NINL: variants seen among roughly 807,000 people sequenced by gnomAD.
NINL encodes ninein like, also known as ninein-like protein.
NINL carries 153 observed loss-of-function variants against 160.3 expected under a neutral mutation model. The ratio of observed to expected loss-of-function variants is 0.95; its 90% CI spans 0.84 to 1.09. The LOEUF is 1.09. Ranked by LOEUF, NINL falls within the 50% of genes least tolerant of loss-of-function variation. The probability of loss-of-function intolerance (pLI) is 0.00; values close to 1 mark genes in which losing one functional copy is unlikely to be tolerated. For missense variants in NINL, 1,829 were observed against 1,764.0 expected (o/e 1.04, Z -0.66); for synonymous variants, 800 against 734.8 (o/e 1.09, Z -1.43).
At chr20:25,492,726 G>A (rs556132483) in intron 10 of NINL, among the ~76,000 whole-genome samples, 2 of 152,086 alleles carry the variant, frequency 1.3e-5, no homozygotes, top group Admixed American at 6.5e-5. Context: ...ACAGGTGTGA[G>A]CCACCACACC....
chr20:25,467,383 C>T lies in NINL; in HGVS notation c.3423+6G>A, dbSNP rs113876275. On this transcript the variant is annotated splice_donor_region_variant and intron_variant, in intron 19 of 23. Coordinates refer to ENST00000278886, the MANE Select transcript of NINL (RefSeq NM_025176.6). ...ATGAGCTCCATGCCAGGCGTCGATA[C>T]GTCACCTGTCTGTTGAGCACCTCCA... is the stretch of plus-strand genomic sequence containing the variant. The T allele has an allele frequency of 1.2e-3, 1,928 of 1,610,106 alleles. 1 individual carries two copies. The highest frequency in any genetic ancestry group is 3.6e-3 in the Middle Eastern group (22 of 6,056).
chr20:25,479,289 G>C (rs2063337353), intron 15 of NINL, 83 bp from the exon 16 acceptor site: 1 of 1,506,510 alleles, frequency 6.6e-7, no homozygotes, highest in East Asian at 2.3e-5. Context: ...ACACGAAGCT[G>C]CCTGGCACAA....
At chr20:25,573,067 C>T (rs190607677) in intron 1 of NINL, among the ~76,000 whole-genome samples, 71 of 152,196 alleles carry the variant, frequency 4.7e-4, no homozygotes, top group African/African-American at 1.2e-3. Flanking sequence ...GAGGCCGAGG[C>T]GGGCGGATCA....
rs1601094433 is a variant in NINL, at chr20:25,482,164, G to A, written c.1678-64C>T. ...AGCCATTCAGCCCAGCGAGCTGGCCGAGCTGGCCTCCAGGGGGGTCCCTTG... is the reference window on the plus strand; with the variant it reads ...AGCCATTCAGCCCAGCGAGCTGGCCAAGCTGGCCTCCAGGGGGGTCCCTTG... On this transcript the variant is annotated intron_variant, in intron 13 of 23. Coordinates refer to ENST00000278886, the MANE Select transcript of NINL (RefSeq NM_025176.6). 18 of 1,549,530 alleles carry A rather than the reference G, an allele frequency of 1.2e-5. No homozygotes were observed. In the East Asian group the frequency reaches 1.8e-4, roughly 16 times the overall value.
chr20:25,571,867 G>GAAA lies in NINL; in HGVS notation c.-12+13585_-12+13587dup, dbSNP rs10536325. On this transcript the variant is annotated intron_variant, in intron 1 of 23. Transcript: ENST00000278886. ...TGGTCAAGAGAGTGAGACTCTGTCT[G>GAAA]AAAAAAAAAAAAAAAAAAAAAAAAA... Among the ~76,000 whole-genome samples the GAAA allele has an allele frequency of 4.3e-4, 18 of 41,564 alleles. 1 individual carries two copies. The highest frequency in any genetic ancestry group is 1.3e-3 in the African/African-American group (17 of 12,728). The allele number at this position is 41,564 out of a possible 152,430, so 27.3% of individuals were successfully genotyped here.
At chr20:25,498,972 C>A (rs947833938) in intron 8 of NINL, 1 of 985,484 alleles carries the variant, frequency 1.0e-6, no homozygotes, top group Non-Finnish European at 1.2e-6. Context: ...CTCAAGGGAG[C>A]GGCAGCTAAC....
At chr20:25,517,708 TAACA>T (rs760534779) in intron 3 of NINL, 41 bp downstream of exon 3, 3 of 1,429,752 alleles carry the variant, frequency 2.1e-6, no homozygotes, top group South Asian at 2.6e-5. Flanking sequence ...CTCCAAAAGT[TAACA>T]AACAAATAAT....
intron 1 of NINL, among the ~76,000 whole-genome samples, chr20:25,568,915 C>T (rs1204847868): frequency 6.6e-6 from 1 of 151,296 alleles, no homozygotes; most frequent in East Asian, 2.0e-4. Context: ...ATTGAGACCC[C>T]TCCCTGTCTC....
At chr20:25,540,438 G>A (rs67680401) in intron 1 of NINL, among the ~76,000 whole-genome samples, 13,448 of 152,178 alleles carry the variant, frequency 0.088, 974 homozygotes, top group African/African-American at 0.2. Flanking sequence ...GTGTTGGTTT[G>A]CATTTAATTT....
At chr20:25,495,546 T>G (rs2063735797) in intron 10 of NINL, among the ~76,000 whole-genome samples, 1 of 151,930 alleles carries the variant, frequency 6.6e-6, no homozygotes, top group African/African-American at 2.4e-5. Context: ...CGGGCAGACC[T>G]CCCGAGCCAG....
chr20:25,467,533 G>T, intron 18 of NINL, 75 bp from the exon 19 acceptor site: 1 of 1,138,104 alleles, frequency 8.8e-7, no homozygotes, highest in South Asian at 1.2e-5. Context: ...AGCACCCAGG[G>T]TAAGAGCAGC....
At chr20:25,536,311 C>A (rs56238023) in intron 1 of NINL, among the ~76,000 whole-genome samples, 2 of 152,050 alleles carry the variant, frequency 1.3e-5, no homozygotes, top group South Asian at 4.2e-4. Context: ...GGTGACCAAC[C>A]CCAACAGACT....
chr20:25,554,691 T>C (rs1292969611), intron 1 of NINL, among the ~76,000 whole-genome samples: 2 of 150,202 alleles, frequency 1.3e-5, no homozygotes, highest in Non-Finnish European at 3.0e-5. Context: ...TCTGTAGTCC[T>C]AGCTATTCAG....
At chr20:25,577,231 C>T (rs1321667573) in intron 1 of NINL, among the ~76,000 whole-genome samples, 9 of 152,340 alleles carry the variant, frequency 5.9e-5, no homozygotes, top group African/African-American at 2.2e-4. Flanking sequence ...CCCTGCTGGT[C>T]ATCCCAGGAC....
intron 13 of NINL, chr20:25,488,856 C>T (rs2063558290): frequency 5.6e-6 from 1 of 179,738 alleles, no homozygotes; most frequent in African/African-American, 2.3e-5. Context: ...TCAACAAAAG[C>T]TCTTTGGGGT....
Position 25,475,865 on chromosome 20 carries a change from C to T in NINL, c.3248+178G>A, listed in dbSNP as rs186450953. On this transcript the variant is annotated intron_variant, in intron 17 of 23. Coordinates refer to ENST00000278886, the MANE Select transcript of NINL (RefSeq NM_025176.6). ...AGAGCACCAGATGACCGTGGCATTC[C>T]GGGACGGGGCTGGGCTCACAACCCC... Among the ~76,000 whole-genome samples, 322 of 152,290 alleles carry T rather than the reference C, an allele frequency of 2.1e-3. 1 individual carries two copies. Among genetic ancestry groups the T allele is most frequent in the Middle Eastern group, 0.01 (3 of 294 alleles).
intron 3 of NINL, among the ~76,000 whole-genome samples, chr20:25,514,698 G>C (rs2064131618): frequency 1.3e-5 from 2 of 152,354 alleles, no homozygotes; most frequent in South Asian, 4.1e-4. Context: ...GCTGGAGATA[G>C]AGCACCGCTG....
chr20:25,503,968 G>GCCTTGCTCGGTTTAAC lies in NINL; in HGVS notation c.829_844dup (p.Ala282GlyfsTer2). 18 of 1,614,160 alleles carry GCCTTGCTCGGTTTAAC rather than the reference G, an allele frequency of 1.1e-5. No homozygotes were observed. Among genetic ancestry groups the GCCTTGCTCGGTTTAAC allele is most frequent in the Non-Finnish European group, 1.5e-5 (18 of 1,180,014 alleles). On this transcript the variant is annotated stop_gained and frameshift_variant, in exon 7 of 24. Coordinates refer to ENST00000278886, the MANE Select transcript of NINL (RefSeq NM_025176.6). LOFTEE classifies it high-confidence loss of function. ...GCATTTTACCTGGTAATGAGACCAA[G>GCCTTGCTCGGTTTAAC]CCTTGCTCGGTTTAACCCGAGTGGA...
At chr20:25,503,841 C>CT (rs1187052079) in intron 7 of NINL, 111 bp downstream of exon 7, 1 of 1,324,198 alleles carries the variant, frequency 7.6e-7, no homozygotes, top group Non-Finnish European at 1.1e-6. Context: ...CTGTCCAGTT[C>CT]TTGGACAGCT....
Sources: gnomAD v4.1 joint callset for allele counts (sites outside exome capture counted in the v4.1 genomes callset) on GRCh38, gnomAD v4.1.1 for gene constraint, MANE v1.5 for transcripts, NCBI Gene and HGNC (gene_info 2026-07-23, HGNC 2026-07-21) for gene names.